PARP4: variants seen among roughly 807,000 people sequenced by gnomAD.
PARP4 encodes the protein protein mono-ADP-ribosyltransferase PARP4.
PARP4 carries 120 observed loss-of-function variants against 187.7 expected under a neutral mutation model. The observed-to-expected ratio is 0.64, with a 90% CI of 0.55 to 0.74. The LOEUF (loss-of-function observed/expected upper bound fraction) is 0.74. Ranked by LOEUF, PARP4 falls within the 30% of genes least tolerant of loss-of-function variation. PARP4 has a pLI of 0.00. For missense variants in PARP4, 1,836 were observed against 2,070.5 expected, an observed-to-expected ratio of 0.89 and a Z score of 2.20; for synonymous variants, 654 against 740.9, an observed-to-expected ratio of 0.88 and a Z score of 1.90.
At chr13:24,426,435 A>G (rs781543498) in intron 33 of PARP4, 31 bp downstream of exon 33, 6 of 1,521,552 alleles carry the variant, frequency 3.9e-6, no homozygotes, top group Non-Finnish European at 5.4e-6. Flanking sequence ...GAAAATATAA[A>G]TAAGTTGCAT....
At chr13:24,439,477 T>C (rs992217032) in intron 30 of PARP4, among the ~76,000 whole-genome samples, 2 of 138,110 alleles carry the variant, frequency 1.4e-5, no homozygotes, top group Non-Finnish European at 3.1e-5. Context: ...CCAGACCTTT[T>C]CTGTGAACAA....
intron 27 of PARP4, among the ~76,000 whole-genome samples, chr13:24,444,597 G>A (rs1238816967): frequency 6.6e-6 from 1 of 152,118 alleles, no homozygotes; most frequent in Non-Finnish European, 1.5e-5. Context: ...AACTTTCAAG[G>A]CTAAACTACA....
intron 17 of PARP4, among the ~76,000 whole-genome samples, chr13:24,466,058 G>A (rs1027520754): frequency 6.6e-6 from 1 of 152,158 alleles, no homozygotes; most frequent in African/African-American, 2.4e-5. Flanking sequence ...TATGCACTAA[G>A]TAATAAGATA....
chr13:24,449,387 CAAAAAAAA>C (rs55699776), intron 25 of PARP4, among the ~76,000 whole-genome samples: 1 of 82,098 alleles, frequency 1.2e-5, no homozygotes, highest in Non-Finnish European at 2.5e-5. Flanking sequence ...GACTCTGTCT[CAAAAAAAA>C]AAAAAAAAAA....
intron 7 of PARP4, 51 bp from the exon 8 acceptor site, chr13:24,493,784 G>A (rs1218611791): frequency 7.6e-6 from 12 of 1,583,112 alleles, no homozygotes; most frequent in African/African-American, 1.3e-5. Flanking sequence ...GTGTGAGTTT[G>A]TGTAAAACTT....
At chr13:24,502,834 AG>A (rs1183070703) in intron 2 of PARP4, among the ~76,000 whole-genome samples, 1 of 152,248 alleles carries the variant, frequency 6.6e-6, no homozygotes, top group Middle Eastern at 3.2e-3. Context: ...CTGAATTGGA[AG>A]TAAACAGGGA....
chr13:24,430,231 C>T (rs1382976684), intron 32 of PARP4, among the ~76,000 whole-genome samples: 1 of 152,144 alleles, frequency 6.6e-6, no homozygotes, highest in Non-Finnish European at 1.5e-5. Flanking sequence ...TATGCATTTG[C>T]CCACCCACCC....
At chr13:24,447,322 G>T in intron 25 of PARP4, 136 bp from the exon 26 acceptor site, 2 of 494,228 alleles carry the variant, frequency 4.0e-6, no homozygotes, top group Non-Finnish European at 6.8e-6. Flanking sequence ...CTGCTACAGG[G>T]TACTTTCCCG....
chr13:24,425,698 C>G (rs1254848030), intron 33 of PARP4, among the ~76,000 whole-genome samples: 1 of 151,916 alleles, frequency 6.6e-6, no homozygotes, highest in Non-Finnish European at 1.5e-5. Flanking sequence ...ACCCCAGAGC[C>G]CATATCCTCC....
At position 24,492,589 on chromosome 13, in the gene PARP4, G is replaced by A. The variant is rs149779905; in HGVS notation, c.885C>T (p.Ser295=). The change falls in exon 9 of 34, where the codon AGC becomes AGT. Residue 295 remains serine, a synonymous_variant. Transcript: ENST00000381989. The stretch of plus-strand genomic sequence containing the variant: ...CTAGAAGGAGAATCCCCTCTGCCTT[G>A]CTCACCTTTCAACAGATCATATATG... ...PVNRISLNDV[S]KAEGILLLVK... 3.6e-5 allele frequency: 58 copies of A among 1,612,930 alleles called. No individual in the cohort carries two copies. In the African/African-American group the frequency reaches 5.9e-4, roughly 16 times the overall value.
rs1193875467 is a variant in PARP4, at chr13:24,484,686, AG to A, written c.1414del (p.Gly473GlufsTer33). 6.2e-7 allele frequency: 1 copy of A among 1,612,432 alleles called. No individual in the cohort carries two copies. The highest frequency in any genetic ancestry group is 8.5e-7 in the Non-Finnish European group (1 of 1,178,542). On this transcript the variant is annotated frameshift_variant, in exon 12 of 34. Coordinates refer to ENST00000381989, the MANE Select transcript of PARP4 (RefSeq NM_006437.4). LOFTEE classifies it high-confidence loss of function. ...RGVQRTDVGN[L>X]GSGIYFSDSL... ...ATCACTGAAATAAATCCCACTTCCA[AG>A]GTTTCCGACGTCTGTTCTTTGCACA... is the stretch of plus-strand genomic sequence containing the variant.
intron 32 of PARP4, among the ~76,000 whole-genome samples, chr13:24,428,480 T>A (rs6490920): frequency 0.94 from 142,866 of 152,240 alleles, 67,160 homozygotes; most frequent in East Asian, 0.99. Context: ...CCAGCCTCAC[T>A]TGACAATATA....
At chr13:24,505,390 T>C (rs1869576990) in intron 1 of PARP4, among the ~76,000 whole-genome samples, 1 of 152,102 alleles carries the variant, frequency 6.6e-6, no homozygotes, top group Non-Finnish European at 1.5e-5. Flanking sequence ...TATTGATTTG[T>C]ACAATAAGGG....
At chr13:24,486,905 T>C (rs1343379448) in intron 10 of PARP4, among the ~76,000 whole-genome samples, 4 of 150,360 alleles carry the variant, frequency 2.7e-5, no homozygotes, top group Non-Finnish European at 5.9e-5. Flanking sequence ...GAGGTTGCAA[T>C]GAGCCGAGAT....
chr13:24,504,307 CTTTT>C (rs11434017), intron 1 of PARP4, among the ~76,000 whole-genome samples: 6 of 87,354 alleles, frequency 6.9e-5, no homozygotes, highest in African/African-American at 1.4e-4. Flanking sequence ...CATTTAGGTT[CTTTT>C]TTTTTTTTTT....
At chr13:24,448,331 T>C (rs1871316911) in intron 25 of PARP4, among the ~76,000 whole-genome samples, 1 of 151,912 alleles carries the variant, frequency 6.6e-6, no homozygotes, top group South Asian at 2.1e-4. Flanking sequence ...TTGCTTGGGC[T>C]CAGAAAGTTG....
At chr13:24,481,286 A>C (rs1381633390) in intron 12 of PARP4, among the ~76,000 whole-genome samples, 2 of 152,262 alleles carry the variant, frequency 1.3e-5, no homozygotes, top group Admixed American at 1.3e-4. Flanking sequence ...GCCATCCAGG[A>C]GCTCTGATGG....
At chr13:24,506,444 C>T (rs1271287602) in intron 1 of PARP4, among the ~76,000 whole-genome samples, 1 of 152,018 alleles carries the variant, frequency 6.6e-6, no homozygotes, top group Non-Finnish European at 1.5e-5. Context: ...TGCTTTTATT[C>T]CCTTATGTGG....
At chr13:24,509,709 G>GT (rs1218567970) in intron 1 of PARP4, among the ~76,000 whole-genome samples, 1 of 151,240 alleles carries the variant, frequency 6.6e-6, no homozygotes, top group Non-Finnish European at 1.5e-5. Flanking sequence ...ATTTTTATTT[G>GT]TTTGTTTTTT....
Sources: allele counts gnomAD v4.1 joint callset (sites outside exome capture counted in the v4.1 genomes callset), GRCh38; gene constraint gnomAD v4.1.1; transcripts MANE v1.5; gene names NCBI Gene and HGNC (gene_info 2026-07-23, HGNC 2026-07-21).